The following LYPD6B variants were observed in gnomAD, a reference collection of about 807,000 sequenced individuals.
The protein encoded by LYPD6B is LY6/PLAUR domain containing 6B.
A neutral mutation model predicts 22.8 loss-of-function variants in LYPD6B; 17 were observed. The ratio of observed to expected loss-of-function variants is 0.75; its 90% confidence interval spans 0.51 to 1.12. The LOEUF (loss-of-function observed/expected upper bound fraction) is 1.12. Among genes scored for constraint, LYPD6B ranks in the 50% most tolerant of loss-of-function variants. The pLI, the probability that LYPD6B is intolerant of heterozygous loss-of-function variation, is 0.00. For missense variants in LYPD6B, 221 were observed against 258.3 expected (o/e 0.86, Z 0.99); for synonymous variants, 106 against 91.6 (o/e 1.16, Z -0.90).
intron 3 of LYPD6B, among the ~76,000 whole-genome samples, chr2:149,186,208 C>A (rs1222972417): frequency 2.0e-5 from 3 of 152,162 alleles, no homozygotes; most frequent in Non-Finnish European, 2.9e-5. Context: ...GTTGAGAATA[C>A]AAGGGAGAAG....
chr2:149,093,836 A>G (rs1685779711), intron 1 of LYPD6B, among the ~76,000 whole-genome samples: 1 of 152,042 alleles, frequency 6.6e-6, no homozygotes, highest in Non-Finnish European at 1.5e-5. Flanking sequence ...ACTTTAAATT[A>G]TTTTCTCACA....
intron 3 of LYPD6B, among the ~76,000 whole-genome samples, chr2:149,163,385 C>T (rs1690209137): frequency 6.6e-6 from 1 of 152,156 alleles, no homozygotes; most frequent in South Asian, 2.1e-4. Flanking sequence ...CAACAAACTT[C>T]TTCCTCCATG....
At chr2:149,194,952 T>A (rs972801866) in intron 3 of LYPD6B, among the ~76,000 whole-genome samples, 1 of 152,214 alleles carries the variant, frequency 6.6e-6, no homozygotes, top group Non-Finnish European at 1.5e-5. Flanking sequence ...ACTAGGCCGT[T>A]GTTGAACAGA....
At position 149,080,881 on chromosome 2, in the gene LYPD6B, T is replaced by A. The variant is rs1430894341; in HGVS notation, c.-67+42080T>A. ...AAAAAAAAAAAACCACACAAAAAAA[T>A]TCAGTATATTAGGCAATGCCAACCT... On this transcript the variant is annotated intron_variant, in intron 1 of 6. Transcript: ENST00000409642. Among the ~76,000 whole-genome samples the A allele has an allele frequency of 1.2e-4, 13 of 104,778 alleles. No individual in the cohort carries two copies. The South Asian group carries it at 3.1e-3, about 25-fold the overall frequency. The allele number at this position is 104,778 out of a possible 152,430, so 68.7% of individuals were successfully genotyped here. A position where few individuals can be genotyped will look rare whatever the true frequency, so the allele number is the denominator to read the frequency against.
At chr2:149,089,757 G>A (rs1685563804) in intron 1 of LYPD6B, among the ~76,000 whole-genome samples, 1 of 152,220 alleles carries the variant, frequency 6.6e-6, no homozygotes, top group South Asian at 2.1e-4. Context: ...GTGCAGTCTT[G>A]TTCATCCTGT....
At chr2:149,113,922 G>T (rs2105550645) in intron 1 of LYPD6B, among the ~76,000 whole-genome samples, 1 of 152,180 alleles carries the variant, frequency 6.6e-6, no homozygotes, top group South Asian at 2.1e-4. Context: ...TAGAGTTTTG[G>T]ACTGAAAACG....
chr2:149,160,740 CTTATCTTTTT>C lies in LYPD6B; in HGVS notation c.6-17_6-8del. On this transcript the variant is annotated splice_polypyrimidine_tract_variant and intron_variant, in intron 2 of 6. Transcript: ENST00000409642. ...ACTCATCGTCAGCAGTGGCTCTTTCCTTATCTTTTTTTATCTCTGGTAGGCTGATTACTCT... is the reference window on the plus strand; with the variant it reads ...ACTCATCGTCAGCAGTGGCTCTTTCCTTATCTCTGGTAGGCTGATTACTCT... The C allele has an allele frequency of 6.5e-7, 1 of 1,531,356 alleles. No individual in the cohort carries two copies. The allele number at this position is 1,531,356 out of a possible 1,614,324, so 94.9% of individuals were successfully genotyped here. A position where few individuals can be genotyped will look rare whatever the true frequency, so the allele number is the denominator to read the frequency against.
chr2:149,045,244 G>A (rs139892148), intron 1 of LYPD6B, among the ~76,000 whole-genome samples: 56 of 152,010 alleles, frequency 3.7e-4, no homozygotes, highest in African/African-American at 1.3e-3. Flanking sequence ...AGCCATTTAT[G>A]TCTGAATGGT....
chr2:149,061,528 C>A (rs1208420174), intron 1 of LYPD6B, among the ~76,000 whole-genome samples: 1 of 152,130 alleles, frequency 6.6e-6, no homozygotes, highest in Non-Finnish European at 1.5e-5. Context: ...TCACCCTAGA[C>A]AAATGCTGGG....
chr2:149,068,824 G>T (rs1014084266), intron 1 of LYPD6B: 4 of 405,326 alleles, frequency 9.9e-6, no homozygotes, highest in Admixed American at 2.7e-5. Context: ...CACATCATGT[G>T]CCTGAGAAGT....
chr2:149,188,598 C>A (rs1559065676), intron 3 of LYPD6B: 1 of 455,422 alleles, frequency 2.2e-6, no homozygotes, highest in Admixed American at 6.4e-5. Context: ...TTATGTAAAT[C>A]ACTCAACACC....
intron 4 of LYPD6B, 95 bp downstream of exon 4, chr2:149,205,499 C>T: frequency 7.5e-7 from 1 of 1,324,756 alleles, no homozygotes; most frequent in Non-Finnish European, 1.0e-6. Flanking sequence ...TCGTCTTTCC[C>T]AGAACATTTG....
At chr2:149,062,354 C>T (rs899635521) in intron 1 of LYPD6B, among the ~76,000 whole-genome samples, 2 of 152,140 alleles carry the variant, frequency 1.3e-5, no homozygotes, top group Admixed American at 6.5e-5. Context: ...TGATTGGCAT[C>T]TAGAAGATGC....
chr2:149,207,400 G>T (rs192405693), intron 4 of LYPD6B, among the ~76,000 whole-genome samples: 51 of 152,140 alleles, frequency 3.4e-4, no homozygotes, highest in Non-Finnish European at 6.3e-4. Context: ...CAGTGTCTTT[G>T]TCTTAGGAAA....
intron 1 of LYPD6B, among the ~76,000 whole-genome samples, chr2:149,098,639 A>G (rs6744493): frequency 0.4 from 37,610 of 93,270 alleles, 5,462 homozygotes; most frequent in East Asian, 0.57. Flanking sequence ...AAAAAAAAAA[A>G]AAAAAAAAAA....
chr2:149,130,124 A>G (rs1687936981), intron 1 of LYPD6B, among the ~76,000 whole-genome samples: 1 of 152,030 alleles, frequency 6.6e-6, no homozygotes, highest in South Asian at 2.1e-4. Flanking sequence ...AGTCTCTGTG[A>G]TTTTCTGAGC....
chr2:149,065,773 A>G (rs1035425696), intron 1 of LYPD6B, among the ~76,000 whole-genome samples: 1 of 152,192 alleles, frequency 6.6e-6, no homozygotes, highest in Non-Finnish European at 1.5e-5. Flanking sequence ...CAGTAGCACT[A>G]TCTCTGCTCA....
chr2:149,048,294 A>T (rs997594343), intron 1 of LYPD6B, among the ~76,000 whole-genome samples: 66 of 152,322 alleles, frequency 4.3e-4, no homozygotes, highest in African/African-American at 1.6e-3. Context: ...GTGAAGATTG[A>T]TCAATCTAGT....
intron 1 of LYPD6B, among the ~76,000 whole-genome samples, chr2:149,060,079 T>G (rs1428489526): frequency 6.6e-6 from 1 of 152,106 alleles, no homozygotes; most frequent in East Asian, 1.9e-4. Flanking sequence ...CACTGAGCTA[T>G]GCAGGGCCTT....
Sources: allele counts gnomAD v4.1 joint callset (sites outside exome capture counted in the v4.1 genomes callset), GRCh38; gene constraint gnomAD v4.1.1; transcripts MANE v1.5; gene names NCBI Gene and HGNC (gene_info 2026-07-23, HGNC 2026-07-21).